Variants in ARFGEF1 observed in about 807,000 individuals in gnomAD.
The protein encoded by ARFGEF1 is ARF guanine nucleotide exchange factor 1.
In ARFGEF1, 42 loss-of-function variants were observed where a neutral mutation model predicts 231.0. That is an observed-to-expected ratio of 0.18 (90% CI 0.14 to 0.24). The LOEUF (loss-of-function observed/expected upper bound fraction) is 0.24. Among genes scored for constraint, ARFGEF1 ranks in the 10% least tolerant of loss-of-function variants. ARFGEF1 has a pLI of 1.00. For missense variants in ARFGEF1, 1,345 were observed against 2,192.0 expected (o/e 0.61, Z 7.72); for synonymous variants, 710 against 732.3 (o/e 0.97, Z 0.49).
Position 67,265,996 on chromosome 8 carries a change from T to C in ARFGEF1, c.2123+10A>G. ...TTCAATAACATTTCTCCTTAAGCTA[T>C]GACACTTACAAATCTATCCCTTGTT... On this transcript the variant is annotated intron_variant, in intron 14 of 38. Coordinates refer to ENST00000262215, the MANE Select transcript of ARFGEF1 (RefSeq NM_006421.5). 6.2e-7 allele frequency: 1 copy of C among 1,612,522 alleles called. No homozygotes were observed. Among genetic ancestry groups the C allele is most frequent in the South Asian group, 1.1e-5 (1 of 91,050 alleles).
intron 7 of ARFGEF1, among the ~76,000 whole-genome samples, chr8:67,282,306 A>G (rs1408226007): frequency 6.6e-6 from 1 of 152,168 alleles, no homozygotes; most frequent in Non-Finnish European, 1.5e-5. Flanking sequence ...TTCATTTCAA[A>G]TTAATTGAGA....
intron 1 of ARFGEF1, among the ~76,000 whole-genome samples, chr8:67,308,987 T>C (rs1347533420): frequency 6.6e-6 from 1 of 152,158 alleles, no homozygotes. Flanking sequence ...AGCGAAGATA[T>C]GGAGGCAACC....
intron 1 of ARFGEF1, among the ~76,000 whole-genome samples, chr8:67,341,998 G>A (rs1235778725): frequency 1.3e-5 from 2 of 152,032 alleles, no homozygotes; most frequent in African/African-American, 4.8e-5. Context: ...AAATTAAATG[G>A]TAGTCTTCCA....
At chr8:67,266,346 CAT>C in intron 13 of ARFGEF1, 139 bp from the exon 14 acceptor site, 1 of 653,086 alleles carries the variant, frequency 1.5e-6, no homozygotes, top group East Asian at 2.7e-5. Flanking sequence ...TATTAGGTAA[CAT>C]AGTAAACAAC....
At chr8:67,293,911 G>A (rs1227862523) in intron 5 of ARFGEF1, among the ~76,000 whole-genome samples, 3 of 152,072 alleles carry the variant, frequency 2.0e-5, no homozygotes, top group Non-Finnish European at 4.4e-5. Flanking sequence ...CTCTTAAATC[G>A]CAGTAATGTT....
chr8:67,234,537 C>T (rs1839653781), intron 22 of ARFGEF1, among the ~76,000 whole-genome samples: 1 of 152,008 alleles, frequency 6.6e-6, no homozygotes, highest in African/African-American at 2.4e-5. Context: ...AACTGTACAT[C>T]ATGTTTTCAC....
At chr8:67,320,155 C>T (rs927929628) in intron 1 of ARFGEF1, among the ~76,000 whole-genome samples, 4 of 129,374 alleles carry the variant, frequency 3.1e-5, no homozygotes, top group East Asian at 5.1e-4. Flanking sequence ...CCTGGGGTGG[C>T]GGAGGTTGCA....
intron 35 of ARFGEF1, 54 bp from the exon 36 acceptor site, chr8:67,203,305 G>C (rs1439650672): frequency 8.2e-6 from 13 of 1,576,074 alleles, no homozygotes; most frequent in Admixed American, 3.5e-5. Flanking sequence ...AATTTTACTT[G>C]ATTTACAACT....
chr8:67,202,890 C>A (rs1838383250), intron 36 of ARFGEF1, among the ~76,000 whole-genome samples, 193 bp downstream of exon 36: 1 of 152,032 alleles, frequency 6.6e-6, no homozygotes. Flanking sequence ...AAAAATCCAC[C>A]CAAGCAGTTA....
At chr8:67,200,212 G>T (rs544386823) in intron 38 of ARFGEF1, 184 bp downstream of exon 38, 4 of 659,584 alleles carry the variant, frequency 6.1e-6, no homozygotes, top group Non-Finnish European at 2.8e-6. Flanking sequence ...GCTGGGTAAG[G>T]GGGGAGAAAA....
rs1235675635 is a variant in ARFGEF1 at position 67,311,545 on chromosome 8, C to A, written c.125-9079G>T. On this transcript the variant is annotated intron_variant, in intron 1 of 38. Transcript: ENST00000262215. The stretch of plus-strand genomic sequence containing the variant: ...GGTCAGCCCCCTGCCTGGCCAGCCG[C>A]CCAGTCTGGGAGGGAGATGGGGGGG... 1.2e-3 allele frequency among the ~76,000 whole-genome samples: 182 copies of A among 147,100 alleles called. 4 individuals carry two copies. Among genetic ancestry groups the A allele is most frequent in the Non-Finnish European group, 1.4e-3 (94 of 65,736 alleles).
intron 1 of ARFGEF1, among the ~76,000 whole-genome samples, chr8:67,310,442 C>T (rs751406448): frequency 1.3e-5 from 2 of 152,214 alleles, no homozygotes; most frequent in Non-Finnish European, 2.9e-5. Context: ...GATCTCGGCT[C>T]GCTACAACCT....
At chr8:67,226,607 T>C (rs963526624) in intron 27 of ARFGEF1, among the ~76,000 whole-genome samples, 3 of 152,152 alleles carry the variant, frequency 2.0e-5, no homozygotes, top group Admixed American at 6.6e-5. Context: ...CAATAAATGA[T>C]AGCTATGATG....
At chr8:67,185,179 G>A (rs549474072) in intron 5 of ARFGEF1, among the ~76,000 whole-genome samples, 29 of 151,994 alleles carry the variant, frequency 1.9e-4, no homozygotes, top group African/African-American at 5.5e-4. Flanking sequence ...GTGTGATTCC[G>A]TTCTGCATGG....
At chr8:67,266,268 GCAAA>G in intron 13 of ARFGEF1, 61 bp from the exon 14 acceptor site, 1 of 1,386,066 alleles carries the variant, frequency 7.2e-7, no homozygotes, top group Non-Finnish European at 1.0e-6. Flanking sequence ...AAGTGTAAGG[GCAAA>G]CAAATTCTTG....
At chr8:67,305,249 T>C (rs1321203034) in intron 1 of ARFGEF1, among the ~76,000 whole-genome samples, 1 of 152,134 alleles carries the variant, frequency 6.6e-6, no homozygotes, top group Non-Finnish European at 1.5e-5. Flanking sequence ...TACCATAAGT[T>C]TTTGTGCAGC....
At chr8:67,193,305 C>T (rs186479021), downstream of ARFGEF1, among the ~76,000 whole-genome samples, 75 of 152,274 alleles carry the variant, frequency 4.9e-4, 1 homozygote, top group South Asian at 2.9e-3. Flanking sequence ...CCATGTTTGC[C>T]AGGCTGGTCT....
chr8:67,198,869 C>A lies in ARFGEF1; in HGVS notation c.*65G>T. The stretch of plus-strand genomic sequence containing the variant: ...AGAAATCATTTTTCAGGTAGGAAAC[C>A]TCAGCTCCAGCGTCCTTTTAAAGAG... On this transcript the variant is annotated 3_prime_UTR_variant, in exon 39 of 39. Coordinates refer to ENST00000262215, the MANE Select transcript of ARFGEF1 (RefSeq NM_006421.5). The A allele has an allele frequency of 6.3e-7, 1 of 1,574,872 alleles. No individual in the cohort carries two copies. Among genetic ancestry groups the A allele is most frequent in the Non-Finnish European group, 8.6e-7 (1 of 1,166,768 alleles).
chr8:67,236,837 G>A (rs1225613231), intron 22 of ARFGEF1, among the ~76,000 whole-genome samples: 1 of 152,128 alleles, frequency 6.6e-6, no homozygotes, highest in Non-Finnish European at 1.5e-5. Context: ...CCCTTTTTCT[G>A]AAGGGAGAAG....
Sources: gnomAD v4.1 joint callset for allele counts (sites outside exome capture counted in the v4.1 genomes callset) on GRCh38, gnomAD v4.1.1 for gene constraint, MANE v1.5 for transcripts, NCBI Gene and HGNC (gene_info 2026-07-23, HGNC 2026-07-21) for gene names.